Variants in COL8A1 observed in about 807,000 individuals in gnomAD.
COL8A1 encodes collagen type VIII alpha 1 chain, also known as collagen alpha-1(VIII) chain.
COL8A1 carries 21 observed loss-of-function variants against 42.7 expected under a neutral mutation model. The ratio of observed to expected loss-of-function variants is 0.49; its 90% CI spans 0.35 to 0.71. COL8A1 has a LOEUF of 0.71. Ranked by LOEUF, COL8A1 falls within the 30% of genes least tolerant of loss-of-function variation. COL8A1 has a pLI of 0.01. For missense variants in COL8A1, 788 were observed against 962.4 expected, an observed-to-expected ratio of 0.82 and a Z score of 2.40; for synonymous variants, 367 against 369.1, an observed-to-expected ratio of 0.99 and a Z score of 0.06.
chr3:99,739,059 G>A (rs187220130), intron 1 of COL8A1, among the ~76,000 whole-genome samples: 6 of 152,284 alleles, frequency 3.9e-5, no homozygotes, highest in Non-Finnish European at 8.8e-5. Flanking sequence ...TCCCAAGTGA[G>A]GCAATGCCTC....
At chr3:99,739,536 T>A (rs1310595242) in intron 1 of COL8A1, among the ~76,000 whole-genome samples, 1 of 152,202 alleles carries the variant, frequency 6.6e-6, no homozygotes, top group Non-Finnish European at 1.5e-5. Context: ...GCAGAAGTTC[T>A]CAAACCACAA....
intron 1 of COL8A1, among the ~76,000 whole-genome samples, chr3:99,691,104 G>C (rs1306392177): frequency 6.6e-6 from 1 of 152,084 alleles, no homozygotes; most frequent in Non-Finnish European, 1.5e-5. Context: ...GAGCATGCAC[G>C]AATTTCTAGA....
At chr3:99,719,585 C>T (rs1049293769) in intron 1 of COL8A1, among the ~76,000 whole-genome samples, 6 of 151,986 alleles carry the variant, frequency 3.9e-5, no homozygotes, top group Non-Finnish European at 8.8e-5. Context: ...ACACTTAATC[C>T]GAACTCAAGG....
intron 2 of COL8A1, among the ~76,000 whole-genome samples, chr3:99,767,647 T>C (rs775651956): frequency 1.1e-4 from 16 of 152,248 alleles, no homozygotes; most frequent in Non-Finnish European, 1.8e-4. Context: ...ATGAATGTTT[T>C]GCCGCAACCC....
intron 1 of COL8A1, among the ~76,000 whole-genome samples, chr3:99,676,440 G>C (rs544128511): frequency 6.6e-6 from 1 of 152,044 alleles, no homozygotes; most frequent in African/African-American, 2.4e-5. Flanking sequence ...AATGGTTTAG[G>C]ATTCAAAAAT....
chr3:99,670,014 TACATCA>T (rs1938493441), intron 1 of COL8A1, among the ~76,000 whole-genome samples: 1 of 152,016 alleles, frequency 6.6e-6, no homozygotes, highest in South Asian at 2.1e-4. Context: ...AAACAGGCAA[TACATCA>T]CCTCCAGGAC....
At position 99,796,756 on chromosome 3, in the gene COL8A1, T is replaced by C. The variant is rs1000509938; in HGVS notation, c.*620T>C. 6.6e-6 allele frequency: 1 copy of C among 152,196 alleles called. No individual in the cohort carries two copies. The highest frequency in any genetic ancestry group is 2.1e-4 in the South Asian group (1 of 4,826). The allele number at this position is 152,196 out of a possible 1,614,324, so 9.4% of individuals were successfully genotyped here. On this transcript the variant is annotated 3_prime_UTR_variant, in exon 4 of 4. Transcript: ENST00000652472. The stretch of plus-strand genomic sequence containing the variant: ...AACAGGAGTCCTCGTCAGAATTGCG[T>C]GTCTGTTGTCTCTAAAAGAATGGGT...
intron 1 of COL8A1, among the ~76,000 whole-genome samples, chr3:99,665,983 G>T (rs916650129): frequency 6.6e-6 from 1 of 151,850 alleles, no homozygotes; most frequent in African/African-American, 2.4e-5. Context: ...GAGCCACCAC[G>T]CCCAGCCTGA....
At chr3:99,691,760 T>C (rs1372314164) in intron 1 of COL8A1, 1 of 147,116 alleles carries the variant, frequency 6.8e-6, no homozygotes, top group Non-Finnish European at 1.5e-5. Flanking sequence ...ACAGGTAAGG[T>C]AACTGAGGCC....
At chr3:99,670,513 C>G (rs1025917274) in intron 1 of COL8A1, among the ~76,000 whole-genome samples, 5 of 151,872 alleles carry the variant, frequency 3.3e-5, no homozygotes, top group African/African-American at 1.2e-4. Context: ...TAATTATAAA[C>G]ATTTATGTGG....
intron 1 of COL8A1, among the ~76,000 whole-genome samples, chr3:99,729,554 G>A (rs1265955013): frequency 6.6e-6 from 1 of 151,924 alleles, no homozygotes; most frequent in Non-Finnish European, 1.5e-5. Context: ...ACACTCGATG[G>A]TGCCTTAGTA....
At chr3:99,750,033 T>C (rs1941108877) in intron 2 of COL8A1, among the ~76,000 whole-genome samples, 1 of 148,746 alleles carries the variant, frequency 6.7e-6, no homozygotes, top group Non-Finnish European at 1.5e-5. Flanking sequence ...TGCCAACTTC[T>C]TTTTCTTTTT....
At chr3:99,788,528 A>G (rs1941939519) in intron 2 of COL8A1, among the ~76,000 whole-genome samples, 1 of 152,248 alleles carries the variant, frequency 6.6e-6, no homozygotes, top group Admixed American at 6.5e-5. Context: ...AGAATTAAGT[A>G]CCAGCTTATA....
In COL8A1 at chr3:99,643,247, A is replaced by T. The variant is rs138849799; in HGVS notation, c.-129+4583A>T. On this transcript the variant is annotated intron_variant, in intron 1 of 3. Coordinates refer to ENST00000652472, the MANE Select transcript of COL8A1 (RefSeq NM_020351.4). ...TGAGCATTCCGTAGGCACTTAACAT[A>T]CAGGGCTCTCAGAAACCATAGCTTG... Among the ~76,000 whole-genome samples, 506 of 152,298 alleles carry T rather than the reference A, an allele frequency of 3.3e-3. 4 individuals carry two copies. The highest frequency in any genetic ancestry group is 8.8e-3 in the Admixed American group (134 of 15,290).
chr3:99,683,429 C>G (rs1938950755), intron 1 of COL8A1, among the ~76,000 whole-genome samples: 1 of 152,076 alleles, frequency 6.6e-6, no homozygotes, highest in Non-Finnish European at 1.5e-5. Context: ...ATTTCACAAA[C>G]TAAGACGTAT....
At chr3:99,684,682 T>C (rs1938994551) in intron 1 of COL8A1, among the ~76,000 whole-genome samples, 1 of 152,216 alleles carries the variant, frequency 6.6e-6, no homozygotes. Context: ...AAGGTAGAGT[T>C]GTATGTTTAC....
At chr3:99,665,937 C>T (rs1015686428) in intron 1 of COL8A1, among the ~76,000 whole-genome samples, 2 of 151,616 alleles carry the variant, frequency 1.3e-5, no homozygotes, top group African/African-American at 2.4e-5. Flanking sequence ...GTGATCTGCC[C>T]GCCTCGGACT....
intron 1 of COL8A1, among the ~76,000 whole-genome samples, chr3:99,731,228 A>T (rs927874412): frequency 6.6e-6 from 1 of 152,134 alleles, no homozygotes; most frequent in African/African-American, 2.4e-5. Flanking sequence ...TATATATAAA[A>T]ATGAGTGCTT....
chr3:99,735,132 T>C (rs1160341420), intron 1 of COL8A1, among the ~76,000 whole-genome samples: 12 of 144,512 alleles, frequency 8.3e-5, no homozygotes, highest in Admixed American at 3.5e-4. Context: ...CCTAATTGAA[T>C]ACCCTTTATT....
Sources: allele counts gnomAD v4.1 joint callset (sites outside exome capture counted in the v4.1 genomes callset), GRCh38; gene constraint gnomAD v4.1.1; transcripts MANE v1.5; gene names NCBI Gene and HGNC (gene_info 2026-07-23, HGNC 2026-07-21).